Variants in OTUD4 observed in about 807,000 individuals in gnomAD.
OTUD4 encodes the protein OTU domain-containing protein 4.
In OTUD4, 24 loss-of-function variants were observed where a neutral mutation model predicts 130.4. That is an observed-to-expected ratio of 0.18 (90% confidence interval 0.13 to 0.26). The LOEUF (loss-of-function observed/expected upper bound fraction) is 0.26, where lower values mean the gene tolerates loss of function less well. Among genes scored for constraint, OTUD4 ranks in the 10% least tolerant of loss-of-function variants. OTUD4 has a pLI of 1.00. For missense variants in OTUD4, 1,031 were observed against 1,329.4 expected, an observed-to-expected ratio of 0.78 and a Z score of 3.49; for synonymous variants, 420 against 472.5, an observed-to-expected ratio of 0.89 and a Z score of 1.44.
chr4:145,176,579 G>C (rs1281962624), intron 1 of OTUD4, among the ~76,000 whole-genome samples: 35 of 151,706 alleles, frequency 2.3e-4, no homozygotes, highest in Non-Finnish European at 4.4e-5. Flanking sequence ...CGTGCCTGTA[G>C]TCCCAGCTAC....
Position 145,138,357 on chromosome 4 carries a change from T to C in OTUD4, c.2418A>G (p.Gly806=), listed in dbSNP as rs772120223. The C allele has an allele frequency of 2.5e-6, 4 of 1,614,166 alleles. No homozygotes were observed. The East Asian group carries it at 8.9e-5, about 36-fold the overall frequency. The change falls in exon 21 of 21, where the codon GGA becomes GGG. Residue 806 remains glycine, a synonymous_variant. Transcript: ENST00000447906. ...CAAGATCAGCCTGGTAAGACAATTG[T>C]CCATGACTTTCAGACACCTGAGATG... ...IPPSQVSESH[G]QLSYQADLES...
At position 145,141,581 on chromosome 4, in the gene OTUD4, A is replaced by G. The variant is rs752755532; in HGVS notation, c.1881T>C (p.Asp627=). ...TTAAATGAGCTTGGGATACAGCTGA[A>G]TCAGGTCCAGTGGTCAAAGTCTGTG... is the stretch of plus-strand genomic sequence containing the variant. ...SVTQTLTTGP[D]SAVSQAHLTP... The change falls in exon 19 of 21, where the codon GAT becomes GAC. Residue 627 remains aspartate, a synonymous_variant. Transcript: ENST00000447906. The G allele has an allele frequency of 1.8e-5, 29 of 1,601,190 alleles. No homozygotes were observed. Among genetic ancestry groups the G allele is most frequent in the South Asian group, 5.6e-5 (5 of 89,038 alleles).
At chr4:145,153,916 A>G (rs565947466) in intron 10 of OTUD4, among the ~76,000 whole-genome samples, 40 of 152,368 alleles carry the variant, frequency 2.6e-4, no homozygotes, top group African/African-American at 9.6e-4. Context: ...AAATCACCTT[A>G]GAGTCATCTC....
At chr4:145,173,381 G>A (rs1263602981) in intron 2 of OTUD4, among the ~76,000 whole-genome samples, 7 of 151,362 alleles carry the variant, frequency 4.6e-5, no homozygotes, top group Admixed American at 1.3e-4. Flanking sequence ...GCGACAGAGC[G>A]AGACTCTGTC....
chr4:145,152,662 GAAAA>G, intron 10 of OTUD4, 27 bp from the exon 11 acceptor site: 1 of 1,228,224 alleles, frequency 8.1e-7, no homozygotes, highest in Non-Finnish European at 1.1e-6. Flanking sequence ...AAATGAAAAG[GAAAA>G]AAAAAATCAG....
At chr4:145,153,711 G>C (rs892058760) in intron 10 of OTUD4, among the ~76,000 whole-genome samples, 1 of 152,172 alleles carries the variant, frequency 6.6e-6, no homozygotes, top group African/African-American at 2.4e-5. Flanking sequence ...TTGTGCACCT[G>C]CCAAGTACAA....
chr4:145,141,529 G>C lies in OTUD4; in HGVS notation c.1933C>G (p.Gln645Glu), dbSNP rs1282821410. Reference protein sequence around the residue: ...LTPSPVPVSIQAVNQPLMPLP... With the variant: ...LTPSPVPVSIEAVNQPLMPLP... ...GGCATCAAGGGCTGGTTAACTGCCT[G>C]TATTGACACAGGAACTGGAGAGGGT... Residue 645 changes from glutamine to glutamate, a missense_variant, in exon 19 of 21, where the codon CAG becomes GAG. Around this residue, in one of 3 missense-constraint regions of OTUD4, gnomAD observed 900 missense variants for 1,095.9 expected, o/e 0.82. Transcript: ENST00000447906. The C allele has an allele frequency of 1.5e-5, 25 of 1,613,202 alleles. No individual in the cohort carries two copies. The highest frequency in any genetic ancestry group is 1.8e-5 in the Non-Finnish European group (21 of 1,179,440).
intron 3 of OTUD4, among the ~76,000 whole-genome samples, chr4:145,166,496 A>G (rs1305109993): frequency 6.6e-6 from 1 of 151,972 alleles, no homozygotes; most frequent in Non-Finnish European, 1.5e-5. Context: ...TATTTGTAAC[A>G]GTGTTTAAAA....
Position 145,171,673 on chromosome 4 carries a change from TG to T in OTUD4, c.290del (p.Pro97HisfsTer5). 7.6e-7 allele frequency: 1 copy of T among 1,307,470 alleles called. No homozygotes were observed. The highest frequency in any genetic ancestry group is 1.1e-6 in the Non-Finnish European group (1 of 903,662). 81.0% of individuals were successfully genotyped at this position (1,307,470 alleles called of 1,614,324 possible). ...FEEYLKRLEN[P>X]QEWVGQVEIS... ...ATACTAGAAGACTGTGACATACCTG[TG>T]GATTTTCCAAACGCTTTAAATATTC... On this transcript the variant is annotated frameshift_variant, in exon 3 of 21. Transcript: ENST00000447906. LOFTEE classifies it high-confidence loss of function.
chr4:145,177,299 C>T lies in OTUD4; in HGVS notation c.159+2516G>A, dbSNP rs146379481. 4.9e-3 allele frequency among the ~76,000 whole-genome samples: 744 copies of T among 152,342 alleles called. 3 individuals are homozygous for T. Among genetic ancestry groups the T allele is most frequent in the South Asian group, 0.016 (77 of 4,830 alleles). On this transcript the variant is annotated intron_variant, in intron 1 of 20. Coordinates refer to ENST00000447906, the MANE Select transcript of OTUD4 (RefSeq NM_001366057.1). The stretch of plus-strand genomic sequence containing the variant: ...CAATCAAAAGCAATGGTAGGCATAT[C>T]TACTGGTTCTTCTCTTTTAACAAAG...
At position 145,179,962 on chromosome 4, in the gene OTUD4, G is replaced by C. The variant is rs1201630406; in HGVS notation, c.12C>G (p.Ala4=). ...GGTCCCCGCCGTCGGGGACGCCGACGGCAGCCTCCATGTTGCTGGTCCTGC... is the reference window on the plus strand; with the variant it reads ...GGTCCCCGCCGTCGGGGACGCCGACCGCAGCCTCCATGTTGCTGGTCCTGC... MEA[A]VGVPDGGDQG... The change falls in exon 1 of 21, where the codon GCC becomes GCG. Residue 4 remains alanine, a synonymous_variant. Coordinates refer to ENST00000447906, the MANE Select transcript of OTUD4 (RefSeq NM_001366057.1). 3 of 1,519,492 alleles carry C rather than the reference G, an allele frequency of 2.0e-6. No individual in the cohort carries two copies. Among genetic ancestry groups the C allele is most frequent in the South Asian group, 2.4e-5 (2 of 83,196 alleles). The allele number at this position is 1,519,492 out of a possible 1,614,324, so 94.1% of individuals were successfully genotyped here.
At chr4:145,140,174 G>A (rs1750493461) in intron 19 of OTUD4, among the ~76,000 whole-genome samples, 183 bp from the exon 20 acceptor site, 1 of 152,008 alleles carries the variant, frequency 6.6e-6, no homozygotes, top group East Asian at 1.9e-4. Flanking sequence ...TGTTCCCAAA[G>A]GTTAATTCCA....
chr4:145,142,974 T>C (rs1750637087), intron 17 of OTUD4, among the ~76,000 whole-genome samples: 1 of 152,194 alleles, frequency 6.6e-6, no homozygotes, highest in Non-Finnish European at 1.5e-5. Context: ...CTCCCATCTG[T>C]GAAATAACTG....
rs1261126416 is a variant in OTUD4, at chr4:145,135,078, AAACTT to A, written c.*2347_*2351del. 2.6e-6 allele frequency: 1 copy of A among 383,480 alleles called. No individual in the cohort carries two copies. The highest frequency in any genetic ancestry group is 3.8e-5 in the East Asian group (1 of 26,186). The allele number at this position is 383,480 out of a possible 1,614,324, so 23.8% of individuals were successfully genotyped here. A position where few individuals can be genotyped will look rare whatever the true frequency, so the allele number is the denominator to read the frequency against. ...CCCCTGGACTAATACATTTAAAAAC[AAACTT>A]AAAGGAAAAAAAGCGAAACCAACCT... is the stretch of plus-strand genomic sequence containing the variant. On this transcript the variant is annotated 3_prime_UTR_variant, in exon 21 of 21. Transcript: ENST00000447906.
chr4:145,168,092 TATG>T (rs1273415831), intron 3 of OTUD4, among the ~76,000 whole-genome samples: 3 of 152,198 alleles, frequency 2.0e-5, no homozygotes, highest in African/African-American at 7.2e-5. Flanking sequence ...CAGCATTTTT[TATG>T]ATGTGTGACA....
Position 145,138,370 on chromosome 4 carries a change from G to T in OTUD4, c.2405C>A (p.Ser802Tyr), listed in dbSNP as rs376575508. 2 of 1,614,050 alleles carry T rather than the reference G, an allele frequency of 1.2e-6. No homozygotes were observed. ...GTAAGACAATTGTCCATGACTTTCA[G>T]ACACCTGAGATGGAGGGATAACCAG... Reference protein sequence around the residue: ...SPLVIPPSQVSESHGQLSYQA... With the variant: ...SPLVIPPSQVYESHGQLSYQA... The change falls in exon 21 of 21, where the codon TCT becomes TAT. Residue 802 changes from serine (S) to tyrosine (Y), a missense_variant. Physicochemically the swap from Ser to Tyr is moderately radical, Grantham distance 144. Coordinates refer to ENST00000447906, the MANE Select transcript of OTUD4 (RefSeq NM_001366057.1).
At chr4:145,143,206 A>G (rs1750647328) in intron 17 of OTUD4, among the ~76,000 whole-genome samples, 159 bp downstream of exon 17, 1 of 152,254 alleles carries the variant, frequency 6.6e-6, no homozygotes, top group Non-Finnish European at 1.5e-5. Flanking sequence ...GACTAACATC[A>G]GAATACATTT....
chr4:145,180,157 C>A lies in OTUD4; in HGVS notation c.-184G>T. The stretch of plus-strand genomic sequence containing the variant: ...CGCTCTCCGGGCGCATAGGGAAGCC[C>A]TGCCTAATGCATGGCTGTCCGCACG... On this transcript the variant is annotated 5_prime_UTR_variant, in exon 1 of 21. In the 5' UTR this introduces an upstream ATG that the reference lacks. Coordinates refer to ENST00000447906, the MANE Select transcript of OTUD4 (RefSeq NM_001366057.1). The A allele has an allele frequency of 4.5e-6, 1 of 220,326 alleles. No individual in the cohort carries two copies. Among genetic ancestry groups the A allele is most frequent in the Non-Finnish European group, 8.1e-6 (1 of 123,176 alleles). 13.6% of individuals were successfully genotyped at this position (220,326 alleles called of 1,614,324 possible). A position where few individuals can be genotyped will look rare whatever the true frequency, so the allele number is the denominator to read the frequency against.
chr4:145,134,898 A>T lies in OTUD4; in HGVS notation c.*2532T>A. On this transcript the variant is annotated 3_prime_UTR_variant, in exon 21 of 21. Transcript: ENST00000447906. ...TGATCATAATATGGTGAAGTTTCATAATTTCCAACTCAAAAATACAAATGA... is the reference window on the plus strand; with the variant it reads ...TGATCATAATATGGTGAAGTTTCATTATTTCCAACTCAAAAATACAAATGA... The T allele has an allele frequency of 2.5e-6, 1 of 398,934 alleles. No individual in the cohort carries two copies. Among genetic ancestry groups the T allele is most frequent in the Non-Finnish European group, 4.4e-6 (1 of 225,946 alleles). The allele number at this position is 398,934 out of a possible 1,614,324, so 24.7% of individuals were successfully genotyped here.
Sources: gnomAD v4.1 joint callset for allele counts (sites outside exome capture counted in the v4.1 genomes callset) on GRCh38, gnomAD v4.1.1 for gene constraint, gnomAD v4.1.1 regional missense constraint, MANE v1.5 for transcripts, NCBI Gene and HGNC (gene_info 2026-07-23, HGNC 2026-07-21) for gene names.